The following CEP85L variants were observed in gnomAD, a reference collection of about 807,000 sequenced individuals.
The protein encoded by CEP85L is centrosomal protein of 85 kDa-like.
A neutral mutation model predicts 100.3 loss-of-function variants in CEP85L; 60 were observed. That is an observed-to-expected ratio of 0.60 (90% CI 0.49 to 0.74). CEP85L has a LOEUF of 0.74. Ranked by LOEUF, CEP85L falls within the 30% of genes least tolerant of loss-of-function variation. CEP85L has a pLI of 0.00. For synonymous variants in CEP85L, 319 were observed against 322.7 expected, an observed-to-expected ratio of 0.99 and a Z score of 0.12; for missense variants, 973 against 936.2, an observed-to-expected ratio of 1.04 and a Z score of -0.51.
chr6:118,549,904 T>G (rs567414788), intron 3 of CEP85L, among the ~76,000 whole-genome samples: 5 of 151,860 alleles, frequency 3.3e-5, no homozygotes, highest in Non-Finnish European at 7.4e-5. Context: ...TAACAGAAAT[T>G]ACAGTTACAG....
chr6:118,612,416 G>A (rs1399566353), intron 2 of CEP85L, among the ~76,000 whole-genome samples: 1 of 151,780 alleles, frequency 6.6e-6, no homozygotes, highest in East Asian at 1.9e-4. Context: ...CCGGCACTTT[G>A]TGAGGCCGAG....
intron 1 of CEP85L, among the ~76,000 whole-genome samples, chr6:118,648,860 T>G (rs1191453637): frequency 6.6e-6 from 1 of 152,128 alleles, no homozygotes; most frequent in Non-Finnish European, 1.5e-5. Context: ...AATCCACATA[T>G]TAAGATAAAC....
intron 5 of CEP85L, chr6:118,501,692 C>T: frequency 1.5e-6 from 1 of 668,968 alleles, no homozygotes; most frequent in Non-Finnish European, 2.8e-6. Flanking sequence ...AATTTTTAGC[C>T]AGGAAAAAAT....
intron 5 of CEP85L, among the ~76,000 whole-genome samples, chr6:118,505,855 C>G (rs1582934025): frequency 6.6e-6 from 1 of 152,116 alleles, no homozygotes; most frequent in East Asian, 1.9e-4. Flanking sequence ...TTGCACAACA[C>G]CAGGAGTGAT....
chr6:118,600,199 A>C (rs1781654371), intron 2 of CEP85L, among the ~76,000 whole-genome samples: 1 of 151,572 alleles, frequency 6.6e-6, no homozygotes, highest in African/African-American at 2.4e-5. Context: ...TCCGTTCTTG[A>C]CTTGCCTCCA....
intron 1 of CEP85L, among the ~76,000 whole-genome samples, chr6:118,663,094 C>T (rs1432909581): frequency 1.3e-5 from 2 of 150,168 alleles, no homozygotes; most frequent in African/African-American, 4.9e-5. Context: ...TTCATTTATA[C>T]AAAGATTAAA....
At chr6:118,683,400 TA>T (rs759406340) in intron 1 of CEP85L, among the ~76,000 whole-genome samples, 1 of 152,188 alleles carries the variant, frequency 6.6e-6, no homozygotes, top group Non-Finnish European at 1.5e-5. Flanking sequence ...AACATTTTTA[TA>T]TAAAAACTTA....
At chr6:118,557,745 T>C (rs1424460939) in intron 3 of CEP85L, among the ~76,000 whole-genome samples, 1 of 152,124 alleles carries the variant, frequency 6.6e-6, no homozygotes, top group Middle Eastern at 3.2e-3. Flanking sequence ...CGAATAAAAA[T>C]TGGTAAAGTC....
intron 2 of CEP85L, among the ~76,000 whole-genome samples, chr6:118,594,493 AAACTT>A (rs1224582368): frequency 9.9e-5 from 15 of 152,204 alleles, no homozygotes; most frequent in African/African-American, 3.4e-4. Context: ...TCAAAAGAAA[AAACTT>A]AACACTATCT....
intron 5 of CEP85L, among the ~76,000 whole-genome samples, chr6:118,498,673 A>G (rs574107178): frequency 8.9e-4 from 135 of 151,688 alleles, no homozygotes; most frequent in African/African-American, 3.2e-3. Context: ...GAGGGAGGGA[A>G]GGAGGGAAAC....
chr6:118,593,739 G>C (rs899429005), intron 2 of CEP85L, among the ~76,000 whole-genome samples: 4 of 150,956 alleles, frequency 2.6e-5, no homozygotes, highest in Admixed American at 2.0e-4. Flanking sequence ...AAATCATCTA[G>C]TTGTCTTTTT....
intron 1 of CEP85L, among the ~76,000 whole-genome samples, chr6:118,674,516 T>A: frequency 7.0e-6 from 1 of 142,562 alleles, no homozygotes; most frequent in African/African-American, 2.7e-5. Context: ...AGGGTAAGAC[T>A]CCATCTCAAA....
intron 3 of CEP85L, chr6:118,565,119 T>C (rs2114994300): frequency 5.8e-6 from 1 of 171,360 alleles, no homozygotes; most frequent in East Asian, 1.7e-4. Flanking sequence ...CCAGAGAAAT[T>C]AAGTGAAAAA....
At chr6:118,566,337 C>A in intron 2 of CEP85L, 21 bp from the exon 3 acceptor site, 2 of 1,578,146 alleles carry the variant, frequency 1.3e-6, no homozygotes, top group South Asian at 2.3e-5. Context: ...AAAAGATGGT[C>A]AAATTAGTTA....
chr6:118,617,058 A>T (rs960423348), intron 2 of CEP85L, among the ~76,000 whole-genome samples: 1 of 152,138 alleles, frequency 6.6e-6, no homozygotes, highest in African/African-American at 2.4e-5. Context: ...AAAAAATTTT[A>T]AAAATAGTAA....
intron 6 of CEP85L, chr6:118,491,416 A>G: frequency 9.2e-7 from 1 of 1,086,708 alleles, no homozygotes; most frequent in Non-Finnish European, 1.2e-6. Flanking sequence ...TCAATAAGGA[A>G]AAGGAGAACA....
Position 118,491,697 on chromosome 6 carries a change from G to A in CEP85L, c.1426C>T (p.Leu476=), listed in dbSNP as rs369024932. Residue 476 remains leucine, a synonymous_variant, in exon 6 of 13, where the codon CTA becomes TTA. Transcript: ENST00000368491. Reference sequence around the variant, plus strand: ...TTAGAAAAACCTACTTTTTCCTCTAGTTTCTTCTTCTCTTCACTAAATAGG... The same window carrying A: ...TTAGAAAAACCTACTTTTTCCTCTAATTTCTTCTTCTCTTCACTAAATAGG... ...LSLFSEEKKK[L]EEKLKTRDRY... is the part of the protein sequence containing the mutation. The A allele has an allele frequency of 2.2e-4, 354 of 1,610,484 alleles. 1 individual carries two copies. The highest frequency in any genetic ancestry group is 6.6e-4 in the Middle Eastern group (4 of 6,046).
At chr6:118,612,738 AAAG>A (rs1772730731) in intron 2 of CEP85L, among the ~76,000 whole-genome samples, 1 of 151,496 alleles carries the variant, frequency 6.6e-6, no homozygotes, top group Admixed American at 6.6e-5. Flanking sequence ...ACCTAGAAAA[AAAG>A]AAGAGTTCAA....
chr6:118,470,991 G>A (rs1438059543), intron 10 of CEP85L, among the ~76,000 whole-genome samples: 2 of 152,040 alleles, frequency 1.3e-5, no homozygotes, highest in Non-Finnish European at 2.9e-5. Context: ...TTTATATGTA[G>A]AGAGTGTATT....
Sources: allele counts gnomAD v4.1 joint callset (sites outside exome capture counted in the v4.1 genomes callset), GRCh38; gene constraint gnomAD v4.1.1; transcripts MANE v1.5; gene names NCBI Gene and HGNC (gene_info 2026-07-23, HGNC 2026-07-21).